LMO4: variants seen among roughly 807,000 people sequenced by gnomAD.
LMO4 encodes LIM domain only 4.
Under a neutral mutation model 18.5 loss-of-function variants are expected in LMO4, and 3 were observed. That is an observed-to-expected ratio of 0.16 (90% CI 0.07 to 0.42). The LOEUF (loss-of-function observed/expected upper bound fraction) is 0.42, where lower values mean the gene tolerates loss of function less well. Ranked by LOEUF, LMO4 falls within the 10% of genes least tolerant of loss-of-function variation. The pLI is 0.99. For synonymous variants in LMO4, 100 were observed against 88.1 expected (o/e 1.14, Z -0.76); for missense variants, 121 against 219.9 (o/e 0.55, Z 2.84).
At chr1:87,337,776 C>T (rs1325771136) in intron 2 of LMO4, among the ~76,000 whole-genome samples, 1 of 152,212 alleles carries the variant, frequency 6.6e-6, no homozygotes, top group Non-Finnish European at 1.5e-5. Flanking sequence ...TCCCCTGCGG[C>T]AGTGGTACTG....
At chr1:87,341,156 A>G (rs1650463789) in intron 4 of LMO4, among the ~76,000 whole-genome samples, 1 of 152,168 alleles carries the variant, frequency 6.6e-6, no homozygotes, top group Non-Finnish European at 1.5e-5. Context: ...CGTGTGCATA[A>G]TTTTATTCAC....
chr1:87,340,311 T>C, intron 4 of LMO4, 109 bp downstream of exon 4: 1 of 980,090 alleles, frequency 1.0e-6, no homozygotes, highest in Non-Finnish European at 1.5e-6. Context: ...GCATGCCCTT[T>C]TAAAGAAATG....
intron 4 of LMO4, among the ~76,000 whole-genome samples, chr1:87,343,989 T>G (rs1650563705): frequency 6.6e-6 from 1 of 152,246 alleles, no homozygotes; most frequent in Non-Finnish European, 1.5e-5. Flanking sequence ...CATTTCTGAC[T>G]TAGACATTGA....
chr1:87,335,526 C>A lies in LMO4; in HGVS notation c.236+3275C>A, dbSNP rs559421751. 9.2e-5 allele frequency among the ~76,000 whole-genome samples: 14 copies of A among 152,106 alleles called. No individual in the cohort carries two copies. In the East Asian group the frequency reaches 2.5e-3, roughly 27 times the overall value. The stretch of plus-strand genomic sequence containing the variant: ...TTTCTTTCCCCGGGCTCCACTCGGG[C>A]GGTTCACGTGGCGCCCGCAGCCGCA... On this transcript the variant is annotated intron_variant, in intron 2 of 4. Coordinates refer to ENST00000370544, the MANE Select transcript of LMO4 (RefSeq NM_006769.4).
At position 87,347,749 on chromosome 1, in the gene LMO4, C is replaced by T. The variant is rs191664046; in HGVS notation, c.*2953C>T. 1.3e-5 allele frequency: 2 copies of T among 152,244 alleles called. No individual in the cohort carries two copies. The highest frequency in any genetic ancestry group is 2.9e-5 in the Non-Finnish European group (2 of 68,006). The allele number at this position is 152,244 out of a possible 1,614,324, so 9.4% of individuals were successfully genotyped here. A position where few individuals can be genotyped will look rare whatever the true frequency, so the allele number is the denominator to read the frequency against. On this transcript the variant is annotated 3_prime_UTR_variant, in exon 5 of 5. Transcript: ENST00000370544. ...GAAACAATTTTGTAAAAAGATAGTC[C>T]TCTAAAAGGGTTTAATGTTTTTTAC...
intron 4 of LMO4, among the ~76,000 whole-genome samples, chr1:87,340,779 A>G (rs1449485727): frequency 6.6e-6 from 1 of 152,166 alleles, no homozygotes; most frequent in Non-Finnish European, 1.5e-5. Flanking sequence ...GGCTTTTAAA[A>G]CCAAGTTCTT....
Position 87,348,692 on chromosome 1 carries a change from T to C in LMO4, c.*3896T>C, listed in dbSNP as rs552686218. The stretch of plus-strand genomic sequence containing the variant: ...ATTTTTGGAAGGTGAACTTGCAACT[T>C]ACCTCAAGTGAATACTGTTTTCAGT... On this transcript the variant is annotated 3_prime_UTR_variant, in exon 5 of 5. Transcript: ENST00000370544. 3 of 506,470 alleles carry C rather than the reference T, an allele frequency of 5.9e-6. No homozygotes were observed. The East Asian group carries it at 1.7e-4, about 28-fold the overall frequency. 31.4% of individuals were successfully genotyped at this position (506,470 alleles called of 1,614,324 possible).
rs149816766 is a variant in LMO4, at chr1:87,339,650, C to CTT, written c.333+27_333+28dup. ...ATCTTAAGGTAGTATTTGCATCTCTCTTTTTTTTTTAAAAAAAAAATCATA... is the reference window on the plus strand; with the variant it reads ...ATCTTAAGGTAGTATTTGCATCTCTCTTTTTTTTTTTTAAAAAAAAAATCATA... On this transcript the variant is annotated intron_variant, in intron 3 of 4. Transcript: ENST00000370544. 22 of 1,365,668 alleles carry CTT rather than the reference C, an allele frequency of 1.6e-5. No homozygotes were observed. The highest frequency in any genetic ancestry group is 3.9e-5 in the Admixed American group (2 of 50,672). The allele number at this position is 1,365,668 out of a possible 1,614,324, so 84.6% of individuals were successfully genotyped here.
intron 4 of LMO4, among the ~76,000 whole-genome samples, chr1:87,341,654 T>C (rs1650501372): frequency 6.6e-6 from 1 of 152,210 alleles, no homozygotes; most frequent in Admixed American, 6.5e-5. Flanking sequence ...TTGCTCAAGT[T>C]TATGAGGTAA....
intron 2 of LMO4, among the ~76,000 whole-genome samples, chr1:87,338,353 A>C (rs1650371419): frequency 6.6e-6 from 1 of 152,242 alleles, no homozygotes; most frequent in Non-Finnish European, 1.5e-5. Flanking sequence ...GTTAATATTT[A>C]TTATGACACC....
At chr1:87,335,007 T>G in intron 2 of LMO4, among the ~76,000 whole-genome samples, 2 of 122,108 alleles carry the variant, frequency 1.6e-5, no homozygotes, top group South Asian at 2.7e-4. Flanking sequence ...TTAACAAAAT[T>G]GGCCTCTAAG....
In LMO4 at chr1:87,330,004, C is replaced by CTT. The variant is rs895271767; in HGVS notation, c.-4+777_-4+778dup. 1.6e-3 allele frequency among the ~76,000 whole-genome samples: 205 copies of CTT among 127,212 alleles called. 2 individuals are homozygous for CTT. Among genetic ancestry groups the CTT allele is most frequent in the African/African-American group, 4.5e-3 (158 of 35,480 alleles). 83.5% of individuals were successfully genotyped at this position (127,212 alleles called of 152,430 possible). On this transcript the variant is annotated intron_variant, in intron 1 of 4. Transcript: ENST00000370544. ...TAAGCCTATTTAACTTAAAAGCTTT[C>CTT]TTTTTTTTTTTTTTTTTTCCAACTC...
chr1:87,338,796 C>G (rs115606149), intron 2 of LMO4, among the ~76,000 whole-genome samples: 1,574 of 152,170 alleles, frequency 0.01, 38 homozygotes, highest in African/African-American at 0.036. Flanking sequence ...GTCCAGATCC[C>G]GGTAAATTAC....
rs1444518008 is a variant in LMO4 at position 87,348,356 on chromosome 1, TA to T, written c.*3562del. 4.4e-6 allele frequency: 1 copy of T among 228,592 alleles called. No homozygotes were observed. The highest frequency in any genetic ancestry group is 9.0e-6 in the Non-Finnish European group (1 of 111,112). 14.2% of individuals were successfully genotyped at this position (228,592 alleles called of 1,614,324 possible). A position where few individuals can be genotyped will look rare whatever the true frequency, so the allele number is the denominator to read the frequency against. On this transcript the variant is annotated 3_prime_UTR_variant, in exon 5 of 5. Coordinates refer to ENST00000370544, the MANE Select transcript of LMO4 (RefSeq NM_006769.4). ...CATTGGAAAAAGGCCATTTACAAGT[TA>T]ATGTTACTTATAGCTTTGTTACTAA... is the stretch of plus-strand genomic sequence containing the variant.
intron 4 of LMO4, among the ~76,000 whole-genome samples, chr1:87,343,459 T>A (rs1164306829): frequency 1.3e-5 from 2 of 152,170 alleles, no homozygotes. Flanking sequence ...AATTTTTTCT[T>A]TTGTAGATTG....
chr1:87,335,381 T>G (rs916711510), intron 2 of LMO4, among the ~76,000 whole-genome samples: 1 of 151,890 alleles, frequency 6.6e-6, no homozygotes, highest in Non-Finnish European at 1.5e-5. Flanking sequence ...CCTCGCTCCC[T>G]AGGCGGCCAG....
chr1:87,339,662 A>ATTT lies in LMO4; in HGVS notation c.333+30_333+31insTTT, dbSNP rs775768956. 3 of 1,427,526 alleles carry ATTT rather than the reference A, an allele frequency of 2.1e-6. No homozygotes were observed. In the African/African-American group the frequency reaches 4.3e-5, roughly 21 times the overall value. The allele number at this position is 1,427,526 out of a possible 1,614,324, so 88.4% of individuals were successfully genotyped here. On this transcript the variant is annotated intron_variant, in intron 3 of 4. Transcript: ENST00000370544. ...TATTTGCATCTCTCTTTTTTTTTTA[A>ATTT]AAAAAAAATCATACCTTTCCTACCT...
chr1:87,336,719 G>A (rs1650325533), intron 2 of LMO4, among the ~76,000 whole-genome samples: 2 of 152,054 alleles, frequency 1.3e-5, no homozygotes, highest in South Asian at 4.1e-4. Flanking sequence ...GACCTTCTTG[G>A]ACTGAGGACC....
At chr1:87,340,874 G>A (rs1283216111) in intron 4 of LMO4, among the ~76,000 whole-genome samples, 1 of 152,116 alleles carries the variant, frequency 6.6e-6, no homozygotes, top group African/African-American at 2.4e-5. Flanking sequence ...GAAAATCCTT[G>A]TACCAGAATT....
Sources: allele counts gnomAD v4.1 joint callset (sites outside exome capture counted in the v4.1 genomes callset), GRCh38; gene constraint gnomAD v4.1.1; transcripts MANE v1.5; gene names NCBI Gene and HGNC (gene_info 2026-07-23, HGNC 2026-07-21).